Variants in SIK2 observed in about 807,000 individuals in gnomAD.
The protein encoded by SIK2 is serine/threonine-protein kinase SIK2.
SIK2 carries 29 observed loss-of-function variants against 103.2 expected under a neutral mutation model. The observed-to-expected ratio is 0.28, with a 90% confidence interval of 0.21 to 0.38. The LOEUF is 0.38. Among genes scored for constraint, SIK2 ranks in the 10% least tolerant of loss-of-function variants. SIK2 has a pLI of 1.00. For missense variants in SIK2, 879 were observed against 1,171.0 expected, an observed-to-expected ratio of 0.75 and a Z score of 3.64; for synonymous variants, 412 against 446.1, an observed-to-expected ratio of 0.92 and a Z score of 0.96.
At chr11:111,672,945 T>A (rs1942649043) in intron 3 of SIK2, among the ~76,000 whole-genome samples, 1 of 152,228 alleles carries the variant, frequency 6.6e-6, no homozygotes, top group African/African-American at 2.4e-5. Context: ...CTTGCCTTTA[T>A]TTTAAACTTT....
At chr11:111,704,846 G>A (rs1943303611) in intron 7 of SIK2, 141 bp from the exon 8 acceptor site, 1 of 909,852 alleles carries the variant, frequency 1.1e-6, no homozygotes, top group African/African-American at 1.8e-5. Context: ...CATTTTTGGA[G>A]CAGCTTTCAT....
Position 111,723,956 on chromosome 11 carries a change from G to C in SIK2, c.2608G>C (p.Asp870His), listed in dbSNP as rs757810812. Reference protein sequence around the residue: ...DYPTPCQYPVDGAQQSDLTGP... With the variant: ...DYPTPCQYPVHGAQQSDLTGP... ...TCCCACTCCCTGTCAGTATCCTGTG[G>C]ATGGAGCCCAGCAGAGCGACCTAAC... The change falls in exon 15 of 15, where the codon GAT becomes CAT. Residue 870 changes from aspartate (D) to histidine (H), a missense_variant. This residue lies in a region of SIK2 where 375 missense variants were observed against 416.3 expected (regional missense o/e 0.90). Transcript: ENST00000304987. The C allele has an allele frequency of 3.7e-6, 6 of 1,614,124 alleles. No individual in the cohort carries two copies. Among genetic ancestry groups the C allele is most frequent in the Non-Finnish European group, 5.1e-6 (6 of 1,180,012 alleles).
intron 2 of SIK2, among the ~76,000 whole-genome samples, chr11:111,617,468 G>T (rs948653323): frequency 6.6e-6 from 1 of 152,144 alleles, no homozygotes; most frequent in Non-Finnish European, 1.5e-5. Context: ...GCTGGACTCC[G>T]CCTGTACCGG....
chr11:111,603,542 C>T (rs555735910), intron 1 of SIK2, among the ~76,000 whole-genome samples: 18 of 152,232 alleles, frequency 1.2e-4, no homozygotes, highest in African/African-American at 4.3e-4. Context: ...GCACCCTCTT[C>T]ATTGCACATT....
chr11:111,664,883 CT>C (rs1942514889), intron 3 of SIK2, among the ~76,000 whole-genome samples: 1 of 152,106 alleles, frequency 6.6e-6, no homozygotes, highest in South Asian at 2.1e-4. Flanking sequence ...CCCCTATTAG[CT>C]TGGGAGCTTG....
At chr11:111,702,055 G>T (rs1008625261) in intron 6 of SIK2, among the ~76,000 whole-genome samples, 6 of 152,084 alleles carry the variant, frequency 3.9e-5, no homozygotes, top group African/African-American at 1.4e-4. Flanking sequence ...TTTCATTTTG[G>T]TTATCATTCT....
intron 3 of SIK2, 25 bp downstream of exon 3, chr11:111,620,427 TATTA>T (rs1485398490): frequency 6.7e-7 from 1 of 1,483,494 alleles, no homozygotes; most frequent in Admixed American, 1.9e-5. Context: ...TTAAATTTTC[TATTA>T]ATTTGAAAAA....
Position 111,728,157 on chromosome 11 carries a change from G to A in SIK2, c.*4028G>A, listed in dbSNP as rs1944037647. 6.6e-6 allele frequency: 1 copy of A among 152,116 alleles called. No individual in the cohort carries two copies. Among genetic ancestry groups the A allele is most frequent in the African/African-American group, 2.4e-5 (1 of 41,430 alleles). 9.4% of individuals were successfully genotyped at this position (152,116 alleles called of 1,614,324 possible). A position where few individuals can be genotyped will look rare whatever the true frequency, so the allele number is the denominator to read the frequency against. The stretch of plus-strand genomic sequence containing the variant: ...TGGGCTGCCTCTAACTGCCTCCTGG[G>A]AAGCCACCCGAGCCACTCGGTCTCT... On this transcript the variant is annotated 3_prime_UTR_variant, in exon 15 of 15. Transcript: ENST00000304987.
intron 9 of SIK2, among the ~76,000 whole-genome samples, chr11:111,714,645 AG>A (rs1943588470): frequency 6.6e-6 from 1 of 152,208 alleles, no homozygotes; most frequent in African/African-American, 2.4e-5. Context: ...TTTTGAGCCT[AG>A]ATGGAGGGTG....
chr11:111,608,645 A>T (rs1941679032), intron 1 of SIK2, among the ~76,000 whole-genome samples: 1 of 152,234 alleles, frequency 6.6e-6, no homozygotes, highest in Non-Finnish European at 1.5e-5. Context: ...ATAGTTAAAT[A>T]GTATTTGTGC....
At chr11:111,651,724 G>C (rs1264662635) in intron 3 of SIK2, among the ~76,000 whole-genome samples, 2 of 138,748 alleles carry the variant, frequency 1.4e-5, no homozygotes, top group African/African-American at 2.9e-5. Flanking sequence ...GGTAGCCATT[G>C]TTTGTACATT....
intron 4 of SIK2, among the ~76,000 whole-genome samples, chr11:111,697,165 A>C (rs771712354): frequency 2.0e-5 from 3 of 152,216 alleles, no homozygotes; most frequent in Non-Finnish European, 4.4e-5. Context: ...CTAGCTGTAT[A>C]ACCTCTGGCA....
At position 111,726,727 on chromosome 11, in the gene SIK2, A is replaced by G; in HGVS notation, c.*2598A>G. The stretch of plus-strand genomic sequence containing the variant: ...ATCACTACTAACAAACAAAACACTA[A>G]GAAGGCTTAGTATCGCTCTTTTTCT... On this transcript the variant is annotated 3_prime_UTR_variant, in exon 15 of 15. Coordinates refer to ENST00000304987, the MANE Select transcript of SIK2 (RefSeq NM_015191.3). 1.9e-6 allele frequency: 1 copy of G among 530,156 alleles called. No homozygotes were observed. Among genetic ancestry groups the G allele is most frequent in the Non-Finnish European group, 3.4e-6 (1 of 296,332 alleles). The allele number at this position is 530,156 out of a possible 1,614,324, so 32.8% of individuals were successfully genotyped here.
In SIK2 at chr11:111,724,229, C is replaced by G; in HGVS notation, c.*100C>G. The G allele has an allele frequency of 6.8e-7, 1 of 1,462,294 alleles. No homozygotes were observed. The highest frequency in any genetic ancestry group is 9.1e-7 in the Non-Finnish European group (1 of 1,104,964). 90.6% of individuals were successfully genotyped at this position (1,462,294 alleles called of 1,614,324 possible). On this transcript the variant is annotated 3_prime_UTR_variant, in exon 15 of 15. Transcript: ENST00000304987. The stretch of plus-strand genomic sequence containing the variant: ...TTAAAGCTTATTTTCTTGCCCTCTC[C>G]CTAACGGGGAGAAATCGAGCCACCC...
intron 3 of SIK2, among the ~76,000 whole-genome samples, chr11:111,659,943 T>C (rs1447625380): frequency 6.6e-6 from 1 of 152,240 alleles, no homozygotes; most frequent in Non-Finnish European, 1.5e-5. Flanking sequence ...GCTTTATCTT[T>C]AGTAAAATGG....
chr11:111,655,364 A>G (rs1049956995), intron 3 of SIK2, among the ~76,000 whole-genome samples: 2 of 152,244 alleles, frequency 1.3e-5, no homozygotes, highest in African/African-American at 4.8e-5. Context: ...AGATTGCGCC[A>G]CTGCACTCCA....
At chr11:111,659,105 A>G (rs11213971) in intron 3 of SIK2, among the ~76,000 whole-genome samples, 89,360 of 152,042 alleles carry the variant, frequency 0.59, 30,364 homozygotes, top group East Asian at 0.96. Flanking sequence ...TACTGATTAC[A>G]TGATCATTTT....
In SIK2 at chr11:111,682,657, A is replaced by G. The variant is rs189623200; in HGVS notation, c.317-5344A>G. ...AAAGGATAAATGAAACAAGTATGAC[A>G]AAATGTTGATAACTCGAATTTAGGT... On this transcript the variant is annotated intron_variant, in intron 3 of 14. Coordinates refer to ENST00000304987, the MANE Select transcript of SIK2 (RefSeq NM_015191.3). Among the ~76,000 whole-genome samples, 8 of 152,382 alleles carry G rather than the reference A, an allele frequency of 5.2e-5. No individual in the cohort carries two copies. The East Asian group carries it at 1.5e-3, about 29-fold the overall frequency.
At chr11:111,691,725 T>G (rs997184484) in intron 4 of SIK2, among the ~76,000 whole-genome samples, 1 of 152,208 alleles carries the variant, frequency 6.6e-6, no homozygotes, top group Non-Finnish European at 1.5e-5. Flanking sequence ...TTGCCCACAC[T>G]TAATTCTCTA....
Sources: allele counts gnomAD v4.1 joint callset (sites outside exome capture counted in the v4.1 genomes callset), GRCh38; gene constraint gnomAD v4.1.1; regional missense constraint gnomAD v4.1.1; transcripts MANE v1.5; gene names NCBI Gene and HGNC (gene_info 2026-07-23, HGNC 2026-07-21).